The following MEIS2 variants were observed in gnomAD, a reference collection of about 807,000 sequenced individuals.
The protein encoded by MEIS2 is homeobox protein Meis2.
In MEIS2, 9 loss-of-function variants were observed where a neutral mutation model predicts 58.6. The observed-to-expected ratio is 0.15, with a 90% CI of 0.09 to 0.27. MEIS2 has a LOEUF of 0.27. MEIS2 is among the 10% of genes least tolerant of loss of function. The probability of loss-of-function intolerance (pLI) is 1.00; values close to 1 mark genes in which losing one functional copy is unlikely to be tolerated. For synonymous variants in MEIS2, 221 were observed against 228.4 expected (o/e 0.97, Z 0.29); for missense variants, 427 against 635.0 (o/e 0.67, Z 3.52).
intron 8 of MEIS2, among the ~76,000 whole-genome samples, chr15:37,012,086 A>G (rs1417752400): frequency 1.3e-5 from 2 of 152,194 alleles, no homozygotes; most frequent in African/African-American, 4.8e-5. Flanking sequence ...CTACTCATTG[A>G]TGCAGTTTTG....
intron 8 of MEIS2, among the ~76,000 whole-genome samples, chr15:37,010,227 A>G (rs1003201018): frequency 2.6e-5 from 4 of 151,792 alleles, no homozygotes; most frequent in Non-Finnish European, 4.4e-5. Flanking sequence ...AGCTGGGACT[A>G]CAGGCACCCA....
At chr15:36,935,938 ATTATT>A (rs2058151723) in intron 9 of MEIS2, among the ~76,000 whole-genome samples, 2 of 152,310 alleles carry the variant, frequency 1.3e-5, no homozygotes, top group Admixed American at 1.3e-4. Flanking sequence ...TGACAGGAAT[ATTATT>A]TTACATTATG....
chr15:37,035,023 C>G (rs1028267593), intron 8 of MEIS2, among the ~76,000 whole-genome samples: 1 of 152,130 alleles, frequency 6.6e-6, no homozygotes, highest in South Asian at 2.1e-4. Flanking sequence ...GTTGAAAACA[C>G]ACGTAGCTGT....
intron 9 of MEIS2, among the ~76,000 whole-genome samples, chr15:36,929,914 C>T (rs1161545098): frequency 6.6e-6 from 1 of 152,056 alleles, no homozygotes; most frequent in African/African-American, 2.4e-5. Context: ...TAAAAGTTAT[C>T]CACAGAGGCC....
intron 8 of MEIS2, among the ~76,000 whole-genome samples, chr15:37,023,879 G>C (rs1225673921): frequency 6.9e-6 from 1 of 145,444 alleles, no homozygotes; most frequent in African/African-American, 2.5e-5. Context: ...GTGTGCTTTG[G>C]TCCCCATCTT....
intron 8 of MEIS2, among the ~76,000 whole-genome samples, chr15:37,003,652 T>C (rs2060815359): frequency 6.6e-6 from 1 of 152,172 alleles, no homozygotes; most frequent in African/African-American, 2.4e-5. Flanking sequence ...TCCTAAAATA[T>C]TGTTCCCCAT....
chr15:37,100,466 C>G lies in MEIS2; in HGVS notation c.-1000G>C, dbSNP rs1390764842. 6.6e-6 allele frequency: 1 copy of G among 152,474 alleles called. No homozygotes were observed. The highest frequency in any genetic ancestry group is 1.5e-5 in the Non-Finnish European group (1 of 68,148). 9.4% of individuals were successfully genotyped at this position (152,474 alleles called of 1,614,324 possible). A position where few individuals can be genotyped will look rare whatever the true frequency, so the allele number is the denominator to read the frequency against. On this transcript the variant is annotated 5_prime_UTR_variant, in exon 1 of 12. Coordinates refer to ENST00000561208, the MANE Select transcript of MEIS2 (RefSeq NM_170675.5). Reference sequence around the variant, plus strand: ...GGAAGTCGTGGTGGCCATAGCCCGTCGTACGGCGGAGACACATCCCGGGAG... The same window carrying G: ...GGAAGTCGTGGTGGCCATAGCCCGTGGTACGGCGGAGACACATCCCGGGAG...
At chr15:36,912,204 C>CA (rs1366524533) in intron 9 of MEIS2, among the ~76,000 whole-genome samples, 6 of 152,132 alleles carry the variant, frequency 3.9e-5, no homozygotes, top group Non-Finnish European at 7.4e-5. Context: ...AACAGTCCTG[C>CA]AAAGACCACA....
At chr15:37,026,234 T>C (rs937299246) in intron 8 of MEIS2, among the ~76,000 whole-genome samples, 2 of 152,302 alleles carry the variant, frequency 1.3e-5, no homozygotes, top group South Asian at 4.1e-4. Flanking sequence ...ATTCATCTTT[T>C]CTATTGATAA....
At chr15:36,948,217 TC>T (rs750582752) in intron 9 of MEIS2, among the ~76,000 whole-genome samples, 167 of 152,060 alleles carry the variant, frequency 1.1e-3, no homozygotes, top group Non-Finnish European at 8.5e-4. Context: ...TGACAGACTG[TC>T]ACATCCTAAC....
chr15:37,076,735 A>G (rs1208358260), intron 7 of MEIS2, among the ~76,000 whole-genome samples: 1 of 152,108 alleles, frequency 6.6e-6, no homozygotes, highest in Non-Finnish European at 1.5e-5. Flanking sequence ...ACAATATTAA[A>G]TGGTCAGCTG....
At chr15:36,934,549 T>C (rs1038398057) in intron 9 of MEIS2, among the ~76,000 whole-genome samples, 2 of 152,246 alleles carry the variant, frequency 1.3e-5, no homozygotes, top group East Asian at 1.9e-4. Context: ...TAAAATACCG[T>C]TCAACGGGCA....
chr15:36,916,102 T>TTTC (rs745576505), intron 9 of MEIS2, among the ~76,000 whole-genome samples: 3 of 152,080 alleles, frequency 2.0e-5, no homozygotes, highest in Admixed American at 1.3e-4. Flanking sequence ...GAAGTTTCCT[T>TTTC]TTCTTCTTCT....
chr15:36,964,195 A>G (rs528432491), intron 8 of MEIS2, among the ~76,000 whole-genome samples: 165 of 152,232 alleles, frequency 1.1e-3, no homozygotes, highest in Non-Finnish European at 2.0e-3. Flanking sequence ...GATGTTTACA[A>G]AAAAATGCCA....
chr15:36,979,317 T>A (rs77835912), intron 8 of MEIS2, among the ~76,000 whole-genome samples: 10,703 of 152,198 alleles, frequency 0.07, 408 homozygotes, highest in African/African-American at 0.074. Context: ...CATATATGCA[T>A]ATATTCAAAA....
At position 37,098,388 on chromosome 15, in the gene MEIS2, GA is replaced by G. The variant is rs1320329711; in HGVS notation, c.13-190del. ...GAAAAGGAGGAGAGGGGGAGAGAGA[GA>G]GAGAGAGAGAGAGAGAGAGAGAGAG... On this transcript the variant is annotated intron_variant, in intron 1 of 11. Transcript: ENST00000561208. 4.8e-6 allele frequency: 5 copies of G among 1,036,888 alleles called. No individual in the cohort carries two copies. The African/African-American group carries it at 7.7e-5, about 16-fold the overall frequency. 64.2% of individuals were successfully genotyped at this position (1,036,888 alleles called of 1,614,324 possible).
chr15:36,953,573 A>G (rs915467100), intron 8 of MEIS2, among the ~76,000 whole-genome samples: 1 of 152,152 alleles, frequency 6.6e-6, no homozygotes, highest in Non-Finnish European at 1.5e-5. Flanking sequence ...AGCAATGATT[A>G]GGATTCCCCT....
At chr15:36,988,511 C>T (rs2060165897) in intron 8 of MEIS2, among the ~76,000 whole-genome samples, 1 of 152,136 alleles carries the variant, frequency 6.6e-6, no homozygotes, top group South Asian at 2.1e-4. Context: ...TAGACAATTG[C>T]TATGACTTTA....
intron 8 of MEIS2, chr15:36,972,901 A>G (rs2059617527): frequency 6.6e-6 from 1 of 152,084 alleles, no homozygotes; most frequent in Non-Finnish European, 1.5e-5. Context: ...AACTGCCTCT[A>G]TTGCTTAGGA....
Sources: gnomAD v4.1 joint callset for allele counts (sites outside exome capture counted in the v4.1 genomes callset) on GRCh38, gnomAD v4.1.1 for gene constraint, MANE v1.5 for transcripts, NCBI Gene and HGNC (gene_info 2026-07-23, HGNC 2026-07-21) for gene names.